UNC80: variants seen among roughly 807,000 people sequenced by gnomAD.
The protein encoded by UNC80 is protein unc-80 homolog.
UNC80 carries 164 observed loss-of-function variants against 384.6 expected under a neutral mutation model. The observed-to-expected ratio is 0.43, with a 90% CI of 0.38 to 0.49. The LOEUF (loss-of-function observed/expected upper bound fraction) is 0.49. UNC80 is among the 20% of genes least tolerant of loss of function. The probability of loss-of-function intolerance (pLI) is 0.00; values close to 1 mark genes in which losing one functional copy is unlikely to be tolerated. For missense variants in UNC80, 3,330 were observed against 4,143.0 expected, an observed-to-expected ratio of 0.80 and a Z score of 5.39; for synonymous variants, 1,486 against 1,527.8, an observed-to-expected ratio of 0.97 and a Z score of 0.64.
rs375846737 is a variant in UNC80 at position 209,789,590 on chromosome 2, T to C, written c.783T>C (p.Asp261=). The C allele has an allele frequency of 8.2e-5, 133 of 1,612,276 alleles. No individual in the cohort carries two copies. The highest frequency in any genetic ancestry group is 1.5e-4 in the Admixed American group (9 of 59,954). The change falls in exon 6 of 65, where the codon GAT becomes GAC. Residue 261 remains aspartate (D), a synonymous_variant. Coordinates refer to ENST00000673920, the MANE Select transcript of UNC80 (RefSeq NM_001371986.1). Reference sequence around the variant, plus strand: ...GGACCTGTGAATCACCAAATCAAGATGCAAGACACTTAGAGGTTAGTTTAT... The same window carrying C: ...GGACCTGTGAATCACCAAATCAAGACGCAAGACACTTAGAGGTTAGTTTAT... ...QSRTCESPNQ[D]ARHLEGLQVV...
Position 209,878,097 on chromosome 2 carries a change from G to T in UNC80, c.3976+8G>T. On this transcript the variant is annotated splice_region_variant and intron_variant, in intron 24 of 64. Transcript: ENST00000673920. ...AAGACTTTTTAGATGACAGTAAGGA[G>T]ACTCCCTTTACTACAAGAACCCCTG... is the stretch of plus-strand genomic sequence containing the variant. 6.6e-7 allele frequency: 1 copy of T among 1,526,210 alleles called. No individual in the cohort carries two copies. Among genetic ancestry groups the T allele is most frequent in the South Asian group, 1.2e-5 (1 of 80,080 alleles). The allele number at this position is 1,526,210 out of a possible 1,614,324, so 94.5% of individuals were successfully genotyped here. A position where few individuals can be genotyped will look rare whatever the true frequency, so the allele number is the denominator to read the frequency against.
At chr2:209,900,168 T>C (rs2087234020) in intron 28 of UNC80, among the ~76,000 whole-genome samples, 1 of 152,248 alleles carries the variant, frequency 6.6e-6, no homozygotes, top group African/African-American at 2.4e-5. Context: ...CATGTCTGTG[T>C]GTATACAGGC....
chr2:209,849,523 G>C lies in UNC80; in HGVS notation c.3527G>C (p.Gly1176Ala). The change falls in exon 22 of 65, where the codon GGA (glycine) becomes GCA (alanine). Residue 1176 changes from glycine (G) to alanine (A), a missense_variant. By Grantham distance (60) the Gly-to-Ala change is moderately conservative (BLOSUM62 0). This residue lies in a region of UNC80 where 801 missense variants were observed against 950.8 expected (regional missense o/e 0.84). Coordinates refer to ENST00000673920, the MANE Select transcript of UNC80 (RefSeq NM_001371986.1). ...AAAAGCAAAAACGTGGTGAATCTTGGAGCAATCCGACAAGGCATGAAACGC... is the reference window on the plus strand; with the variant it reads ...AAAAGCAAAAACGTGGTGAATCTTGCAGCAATCCGACAAGGCATGAAACGC... ...GGKSKNVVNLGAIRQGMKRFQ... is the reference protein window; with the variant it reads ...GGKSKNVVNLAAIRQGMKRFQ... 6.4e-7 allele frequency: 1 copy of C among 1,550,992 alleles called. No individual in the cohort carries two copies. Among genetic ancestry groups the C allele is most frequent in the Non-Finnish European group, 8.7e-7 (1 of 1,146,544 alleles).
chr2:209,926,600 G>A (rs1416133081), intron 35 of UNC80, among the ~76,000 whole-genome samples: 1 of 152,024 alleles, frequency 6.6e-6, no homozygotes, highest in Admixed American at 6.6e-5. Context: ...AACACAGTGA[G>A]GACTCATCCT....
At chr2:209,930,602 CA>C (rs1388013609) in intron 37 of UNC80, among the ~76,000 whole-genome samples, 7 of 152,108 alleles carry the variant, frequency 4.6e-5, no homozygotes, top group African/African-American at 1.7e-4. Flanking sequence ...AATGATTTTT[CA>C]ACATAGGTCC....
At chr2:209,773,308 T>C (rs1015152688) in intron 2 of UNC80, among the ~76,000 whole-genome samples, 166 bp downstream of exon 2, 1 of 152,120 alleles carries the variant, frequency 6.6e-6, no homozygotes, top group African/African-American at 2.4e-5. Context: ...AATAGAACAA[T>C]GATAAAAACA....
chr2:209,773,026 C>T (rs2076669538), intron 1 of UNC80, 68 bp from the exon 2 acceptor site: 4 of 1,263,294 alleles, frequency 3.2e-6, no homozygotes, highest in East Asian at 2.5e-5. Flanking sequence ...TTGAAAAATA[C>T]GTCACAAGGA....
chr2:209,827,464 G>A (rs1225700385), intron 14 of UNC80, among the ~76,000 whole-genome samples: 2 of 152,162 alleles, frequency 1.3e-5, no homozygotes, highest in Non-Finnish European at 2.9e-5. Context: ...AGGAGCTGTT[G>A]TTATCACTTA....
intron 47 of UNC80, among the ~76,000 whole-genome samples, chr2:209,948,566 C>A (rs965196014): frequency 6.6e-6 from 1 of 152,012 alleles, no homozygotes; most frequent in East Asian, 1.9e-4. Context: ...TTAGTGTTTT[C>A]TATTTAATTA....
At chr2:209,803,909 A>AT (rs373051792) in intron 7 of UNC80, among the ~76,000 whole-genome samples, 5 of 151,744 alleles carry the variant, frequency 3.3e-5, no homozygotes, top group East Asian at 1.9e-4. Flanking sequence ...TTTTAAAAAC[A>AT]TTTTTTTTGT....
chr2:209,788,147 T>G (rs2077563421), intron 5 of UNC80, among the ~76,000 whole-genome samples: 1 of 152,198 alleles, frequency 6.6e-6, no homozygotes, highest in South Asian at 2.1e-4. Context: ...CCGGGCGCGG[T>G]GGCTCACGCC....
At position 209,945,124 on chromosome 2, in the gene UNC80, G is replaced by A. The variant is rs1376525983; in HGVS notation, c.7124G>A (p.Gly2375Glu). Residue 2375 changes from glycine to glutamate, a missense_variant, in exon 46 of 65, where the codon GGA becomes GAA. Transcript: ENST00000673920. ...CLFDLLQSLE[G>E]ETTDILDILE... ...TTTGACTTGCTGCAGTCCCTAGAGG[G>A]AGAGACCACCGACATATTAGACATC... is the stretch of plus-strand genomic sequence containing the variant. 1.9e-6 allele frequency: 3 copies of A among 1,551,452 alleles called. No individual in the cohort carries two copies. In the South Asian group the frequency reaches 3.6e-5, roughly 18 times the overall value.
intron 52 of UNC80, chr2:209,969,060 C>T (rs1488562090): frequency 6.6e-6 from 1 of 152,046 alleles, no homozygotes; most frequent in Admixed American, 6.6e-5. Context: ...AAAGTATTGC[C>T]AGGAAAATAT....
intron 59 of UNC80, among the ~76,000 whole-genome samples, chr2:209,981,222 T>C (rs551341075): frequency 6.6e-5 from 10 of 152,334 alleles, no homozygotes; most frequent in African/African-American, 1.2e-4. Flanking sequence ...TCATTTAGAA[T>C]TAAGTCACTT....
chr2:209,978,532 A>G lies in UNC80; in HGVS notation c.8942A>G (p.Tyr2981Cys). ...TTTGGTCTCTCGCATCCTCTAGCCT[A>G]CCAAGGCAAGACATCCATCAGTACC... Reference protein sequence around the residue: ...LKEAVHSGSAYQGKTSISTVG... With the variant: ...LKEAVHSGSACQGKTSISTVG... Residue 2981 changes from tyrosine (Y) to cysteine (C), a missense_variant, in exon 59 of 65, where the codon TAC (tyrosine) becomes TGC (cysteine). This residue lies in a region of UNC80 where 216 missense variants were observed against 245.3 expected (regional missense o/e 0.88). Coordinates refer to ENST00000673920, the MANE Select transcript of UNC80 (RefSeq NM_001371986.1). 6.5e-7 allele frequency: 1 copy of G among 1,540,418 alleles called. No homozygotes were observed. Among genetic ancestry groups the G allele is most frequent in the Non-Finnish European group, 8.8e-7 (1 of 1,138,316 alleles).
chr2:209,929,891 G>A lies in UNC80; in HGVS notation c.5827G>A (p.Val1943Ile). ...GVAVSAVAQQ[V>I]LWNCLIEDPS... ...TGAAGTGAGTGCTGTGGCTCAACAA[G>A]TCTTATGGAACTGTCTAATTGAAGA... The change falls in exon 37 of 65, where the codon GTC becomes ATC. Residue 1943 changes from valine (V) to isoleucine (I), a missense_variant. This residue lies in a region of UNC80 where 1,049 missense variants were observed against 1,488.6 expected (regional missense o/e 0.70). Coordinates refer to ENST00000673920, the MANE Select transcript of UNC80 (RefSeq NM_001371986.1). 1 of 1,530,112 alleles carries A rather than the reference G, an allele frequency of 6.5e-7. No individual in the cohort carries two copies. Among genetic ancestry groups the A allele is most frequent in the Non-Finnish European group, 8.8e-7 (1 of 1,139,366 alleles). The allele number at this position is 1,530,112 out of a possible 1,614,324, so 94.8% of individuals were successfully genotyped here.
intron 28 of UNC80, among the ~76,000 whole-genome samples, chr2:209,901,197 GAA>G (rs1157061299): frequency 6.6e-6 from 1 of 152,180 alleles, no homozygotes; most frequent in East Asian, 1.9e-4. Flanking sequence ...TAGCTAGAGA[GAA>G]GTCAATACCT....
In UNC80 at chr2:209,995,630, G is replaced by C; in HGVS notation, c.*35G>C. 1 of 1,543,116 alleles carries C rather than the reference G, an allele frequency of 6.5e-7. No homozygotes were observed. The highest frequency in any genetic ancestry group is 2.5e-5 in the East Asian group (1 of 40,806). ...TTGTAAGCTCTGCAGGTATAGAGAA[G>C]ACATGAAAGTGATCTCTCTACTACA... On this transcript the variant is annotated 3_prime_UTR_variant, in exon 65 of 65. Coordinates refer to ENST00000673920, the MANE Select transcript of UNC80 (RefSeq NM_001371986.1).
At chr2:209,882,797 TAA>T (rs924557376) in intron 25 of UNC80, among the ~76,000 whole-genome samples, 1 of 151,966 alleles carries the variant, frequency 6.6e-6, no homozygotes, top group Non-Finnish European at 1.5e-5. Flanking sequence ...TCCACTGTAA[TAA>T]AAAAAATAAG....
Sources: allele counts gnomAD v4.1 joint callset (sites outside exome capture counted in the v4.1 genomes callset), GRCh38; gene constraint gnomAD v4.1.1; regional missense constraint gnomAD v4.1.1; transcripts MANE v1.5; gene names NCBI Gene and HGNC (gene_info 2026-07-23, HGNC 2026-07-21).